CPQ: variants seen among roughly 807,000 people sequenced by gnomAD.
CPQ encodes Ser-Met dipeptidase.
CPQ carries 37 observed loss-of-function variants against 45.7 expected under a neutral mutation model. That is an observed-to-expected ratio of 0.81 (90% CI 0.62 to 1.07). The LOEUF is 1.07. Among genes scored for constraint, CPQ ranks in the 50% least tolerant of loss-of-function variants. The probability of loss-of-function intolerance (pLI) is 0.00; values close to 1 mark genes in which losing one functional copy is unlikely to be tolerated. For missense variants in CPQ, 537 were observed against 572.9 expected, an observed-to-expected ratio of 0.94 and a Z score of 0.64; for synonymous variants, 186 against 205.8, an observed-to-expected ratio of 0.90 and a Z score of 0.82.
At chr8:96,758,634 G>T (rs1810357673) in intron 1 of CPQ, among the ~76,000 whole-genome samples, 1 of 152,200 alleles carries the variant, frequency 6.6e-6, no homozygotes, top group African/African-American at 2.4e-5. Flanking sequence ...CTGCTGCCAT[G>T]TTAAGAAGTC....
chr8:97,018,090 C>T (rs1325491099), intron 5 of CPQ, among the ~76,000 whole-genome samples: 1 of 152,126 alleles, frequency 6.6e-6, no homozygotes, highest in Non-Finnish European at 1.5e-5. Context: ...CAGTACCAGC[C>T]CAGACCTGGT....
chr8:96,777,622 A>G (rs975403925), intron 1 of CPQ, among the ~76,000 whole-genome samples: 1 of 150,804 alleles, frequency 6.6e-6, no homozygotes, highest in African/African-American at 2.4e-5. Context: ...TGGTCATTTC[A>G]TGCCAACAAA....
At position 96,662,374 on chromosome 8, in the gene CPQ, A is replaced by G. The variant is rs116212857; in HGVS notation, c.-35+16972A>G. Among the ~76,000 whole-genome samples the G allele has an allele frequency of 8.5e-3, 1,289 of 152,328 alleles. 11 individuals are homozygous for G. The highest frequency in any genetic ancestry group is 0.025 in the African/African-American group (1,055 of 41,558). On this transcript the variant is annotated intron_variant, in intron 1 of 7. Transcript: ENST00000220763. ...ATAAAATGGGGGGCAAAGTGAAGAC[A>G]TTGTAACAATTTTTGATAATCGCAT... is the stretch of plus-strand genomic sequence containing the variant.
intron 6 of CPQ, among the ~76,000 whole-genome samples, chr8:97,047,590 A>C (rs1810280918): frequency 6.6e-6 from 1 of 152,224 alleles, no homozygotes; most frequent in Non-Finnish European, 1.5e-5. Context: ...AAAAATAAAT[A>C]TTTGTATTTG....
chr8:96,862,655 T>C (rs181039369), intron 3 of CPQ, among the ~76,000 whole-genome samples: 385 of 152,170 alleles, frequency 2.5e-3, no homozygotes, highest in Non-Finnish European at 4.1e-3. Context: ...CAATTAGATA[T>C]GAACCATGGT....
chr8:96,735,663 T>G (rs1809972867), intron 1 of CPQ, among the ~76,000 whole-genome samples: 1 of 152,194 alleles, frequency 6.6e-6, no homozygotes, highest in East Asian at 1.9e-4. Flanking sequence ...TTCCTTCTAG[T>G]GGGTCATAAC....
intron 7 of CPQ, among the ~76,000 whole-genome samples, chr8:97,140,367 T>A (rs1563592709): frequency 6.6e-6 from 1 of 151,150 alleles, no homozygotes; most frequent in Non-Finnish European, 1.5e-5. Flanking sequence ...CCAGAATGTA[T>A]AAAAAAAAGA....
At chr8:97,006,373 G>A (rs1271310546) in intron 5 of CPQ, among the ~76,000 whole-genome samples, 6 of 152,070 alleles carry the variant, frequency 3.9e-5, no homozygotes, top group Non-Finnish European at 8.8e-5. Context: ...GGGTGTCAGG[G>A]GCTTGAATCC....
chr8:96,947,596 A>G (rs898841937), intron 4 of CPQ, among the ~76,000 whole-genome samples: 1 of 152,020 alleles, frequency 6.6e-6, no homozygotes, highest in Non-Finnish European at 1.5e-5. Flanking sequence ...TATGCCTGTA[A>G]AAAAACAAAC....
At chr8:97,012,497 A>C (rs1236148204) in intron 5 of CPQ, among the ~76,000 whole-genome samples, 1 of 152,212 alleles carries the variant, frequency 6.6e-6, no homozygotes, top group Non-Finnish European at 1.5e-5. Flanking sequence ...ATGGAGGCAT[A>C]GCATTCCTTC....
intron 2 of CPQ, among the ~76,000 whole-genome samples, chr8:96,794,708 A>G (rs529476399): frequency 3.9e-5 from 6 of 152,278 alleles, no homozygotes; most frequent in Admixed American, 3.3e-4. Context: ...TGCCTTTAAC[A>G]GCACCCAAGT....
intron 2 of CPQ, among the ~76,000 whole-genome samples, chr8:96,830,636 G>A (rs1811443579): frequency 6.6e-6 from 1 of 152,014 alleles, no homozygotes; most frequent in African/African-American, 2.4e-5. Flanking sequence ...TCAGAAATTA[G>A]TATTATAATC....
chr8:96,790,817 T>G (rs945272505), intron 2 of CPQ, among the ~76,000 whole-genome samples: 1 of 152,166 alleles, frequency 6.6e-6, no homozygotes, highest in African/African-American at 2.4e-5. Flanking sequence ...ATTAAATTAT[T>G]TTTTAAATAA....
intron 4 of CPQ, among the ~76,000 whole-genome samples, chr8:96,889,130 G>A (rs571980502): frequency 6.6e-6 from 1 of 152,336 alleles, no homozygotes; most frequent in East Asian, 1.9e-4. Flanking sequence ...CCATGTGAAG[G>A]GCCAGGGCTT....
intron 4 of CPQ, among the ~76,000 whole-genome samples, chr8:96,936,509 G>A (rs1048959452): frequency 2.0e-5 from 3 of 152,068 alleles, no homozygotes; most frequent in African/African-American, 7.2e-5. Flanking sequence ...TATTACTTTG[G>A]CAAAGAATTC....
intron 1 of CPQ, among the ~76,000 whole-genome samples, chr8:96,669,380 C>T (rs1391849995): frequency 6.6e-6 from 1 of 152,154 alleles, no homozygotes; most frequent in Non-Finnish European, 1.5e-5. Flanking sequence ...GAGACCCTGC[C>T]CCTCCTTGAG....
chr8:96,717,834 G>T (rs560713867), intron 1 of CPQ, among the ~76,000 whole-genome samples: 2 of 152,178 alleles, frequency 1.3e-5, no homozygotes, highest in African/African-American at 4.8e-5. Context: ...TCTAGCTGCT[G>T]GGGTAATGTT....
intron 1 of CPQ, among the ~76,000 whole-genome samples, chr8:96,651,058 A>G (rs1815571236): frequency 6.6e-6 from 1 of 152,316 alleles, no homozygotes; most frequent in East Asian, 1.9e-4. Flanking sequence ...TGACTTGGGT[A>G]TTGAATATGA....
chr8:96,996,250 G>A (rs974157969), intron 5 of CPQ, among the ~76,000 whole-genome samples: 1 of 151,954 alleles, frequency 6.6e-6, no homozygotes, highest in Admixed American at 6.6e-5. Context: ...TGAGAAGAGA[G>A]AACATATAGA....
Sources: allele counts gnomAD v4.1 joint callset (sites outside exome capture counted in the v4.1 genomes callset), GRCh38; gene constraint gnomAD v4.1.1; transcripts MANE v1.5; gene names NCBI Gene and HGNC (gene_info 2026-07-23, HGNC 2026-07-21).